The following GRM8 variants were observed in gnomAD, a reference collection of about 807,000 sequenced individuals.
GRM8 encodes metabotropic glutamate receptor 8.
GRM8 carries 47 observed loss-of-function variants against 87.2 expected under a neutral mutation model. The observed-to-expected ratio is 0.54, with a 90% CI of 0.43 to 0.69. The LOEUF (loss-of-function observed/expected upper bound fraction) is 0.69. GRM8 is among the 30% of genes least tolerant of loss of function. GRM8 has a pLI of 0.00. For missense variants in GRM8, 1,019 were observed against 1,139.2 expected (o/e 0.89, Z 1.52); for synonymous variants, 396 against 404.5 (o/e 0.98, Z 0.25).
intron 2 of GRM8, among the ~76,000 whole-genome samples, chr7:127,146,121 T>C (rs1828540575): frequency 1.3e-5 from 2 of 152,044 alleles, no homozygotes; most frequent in Admixed American, 6.6e-5. Context: ...TCTGTGTATT[T>C]AGTAAGTCAG....
chr7:126,660,654 G>A lies in GRM8; in HGVS notation c.1358-51156C>T, dbSNP rs914952786. ...CTACTACAATATTAAAATCAGTATG[G>A]CTGAATAATATTTTAATTACTTTTA... On this transcript the variant is annotated intron_variant, in intron 7 of 10. Coordinates refer to ENST00000339582, the MANE Select transcript of GRM8 (RefSeq NM_000845.3). 2.6e-5 allele frequency among the ~76,000 whole-genome samples: 4 copies of A among 152,188 alleles called. No individual in the cohort carries two copies. The South Asian group carries it at 6.2e-4, about 24-fold the overall frequency.
intron 7 of GRM8, among the ~76,000 whole-genome samples, chr7:126,690,718 A>G (rs73226940): frequency 6.6e-6 from 1 of 152,304 alleles, no homozygotes; most frequent in Non-Finnish European, 1.5e-5. Flanking sequence ...AGACAAGTGA[A>G]GGGTGAGCAA....
chr7:126,889,693 T>G (rs1800817912), intron 6 of GRM8, among the ~76,000 whole-genome samples: 1 of 152,116 alleles, frequency 6.6e-6, no homozygotes, highest in African/African-American at 2.4e-5. Context: ...AAATCACATT[T>G]TATATTCACT....
chr7:127,247,061 AG>A (rs1798617694), intron 1 of GRM8, among the ~76,000 whole-genome samples: 1 of 152,250 alleles, frequency 6.6e-6, no homozygotes, highest in Admixed American at 6.5e-5. Flanking sequence ...GCAATCTTTC[AG>A]AAAGGTGCAC....
At chr7:127,092,136 CA>C (rs1824200495) in intron 3 of GRM8, among the ~76,000 whole-genome samples, 1 of 151,060 alleles carries the variant, frequency 6.6e-6, no homozygotes, top group Admixed American at 6.6e-5. Flanking sequence ...ATCCCTTTTA[CA>C]ATTTTAATTA....
intron 6 of GRM8, among the ~76,000 whole-genome samples, chr7:126,858,686 C>G (rs1248272213): frequency 6.6e-6 from 1 of 152,138 alleles, no homozygotes; most frequent in Non-Finnish European, 1.5e-5. Flanking sequence ...CTACTCCCGC[C>G]CTGCAAGAAA....
At chr7:127,086,097 T>A (rs368674987) in intron 3 of GRM8, among the ~76,000 whole-genome samples, 40 of 151,690 alleles carry the variant, frequency 2.6e-4, no homozygotes, top group African/African-American at 7.8e-4. Context: ...GGTTTGTTTT[T>A]GATTGTTTTG....
chr7:126,634,872 G>C (rs1801694608), intron 7 of GRM8, among the ~76,000 whole-genome samples: 1 of 152,136 alleles, frequency 6.6e-6, no homozygotes, highest in Non-Finnish European at 1.5e-5. Flanking sequence ...TACTTTTAAT[G>C]ATGAAATGTT....
intron 7 of GRM8, among the ~76,000 whole-genome samples, chr7:126,691,920 G>A (rs945732230): frequency 6.6e-6 from 1 of 152,174 alleles, no homozygotes; most frequent in Admixed American, 6.5e-5. Flanking sequence ...CCTTTTAAAT[G>A]CAAATGACAC....
intron 7 of GRM8, among the ~76,000 whole-genome samples, chr7:126,735,541 C>T (rs1488416963): frequency 6.6e-6 from 1 of 151,966 alleles, no homozygotes; most frequent in Non-Finnish European, 1.5e-5. Flanking sequence ...ATCTTAAAGG[C>T]AGGGATTACA....
chr7:126,553,524 G>A (rs1003682615), intron 8 of GRM8, among the ~76,000 whole-genome samples: 45 of 152,084 alleles, frequency 3.0e-4, no homozygotes, highest in African/African-American at 1.0e-3. Flanking sequence ...AGGTGAATTC[G>A]TCACATGAAT....
At chr7:126,889,933 C>T (rs987654324) in intron 6 of GRM8, among the ~76,000 whole-genome samples, 1 of 152,014 alleles carries the variant, frequency 6.6e-6, no homozygotes, top group African/African-American at 2.4e-5. Flanking sequence ...GATAGAAAAT[C>T]CGATCCAAAA....
chr7:126,461,712 C>A (rs1197064137), intron 9 of GRM8, among the ~76,000 whole-genome samples: 1 of 151,628 alleles, frequency 6.6e-6, no homozygotes, highest in African/African-American at 2.4e-5. Flanking sequence ...GGCTTGCTCT[C>A]AATCCCAAAT....
chr7:126,688,007 A>T (rs972406953), intron 7 of GRM8, among the ~76,000 whole-genome samples: 8 of 151,960 alleles, frequency 5.3e-5, no homozygotes, highest in African/African-American at 7.3e-5. Context: ...TAGGCTTTTT[A>T]AAAAAATAGC....
chr7:126,941,458 A>AAC (rs1396038551), intron 3 of GRM8, among the ~76,000 whole-genome samples: 1 of 151,054 alleles, frequency 6.6e-6, no homozygotes, highest in African/African-American at 2.4e-5. Flanking sequence ...AAAAAAAAAA[A>AAC]AAATACAAAA....
chr7:127,149,656 C>A lies in GRM8; in HGVS notation c.511-42944G>T, dbSNP rs754401552. ...ATTCCCAACAGCCAAGACAGGGAAA[C>A]AACCTAAGTGTCAGCTAATGGACAG... On this transcript the variant is annotated intron_variant, in intron 2 of 10. Transcript: ENST00000339582. 9.2e-5 allele frequency among the ~76,000 whole-genome samples: 14 copies of A among 152,070 alleles called. 1 individual carries two copies. The highest frequency in any genetic ancestry group is 2.6e-4 in the Admixed American group (4 of 15,262).
chr7:126,832,885 T>C (rs888148014), intron 6 of GRM8, among the ~76,000 whole-genome samples: 1 of 152,232 alleles, frequency 6.6e-6, no homozygotes, highest in African/African-American at 2.4e-5. Flanking sequence ...TTTACTGCCA[T>C]TTGTTAACAT....
chr7:126,904,619 T>G lies in GRM8; in HGVS notation c.792A>C (p.Lys264Asn). The G allele has an allele frequency of 6.2e-7, 1 of 1,613,748 alleles. No homozygotes were observed. Among genetic ancestry groups the G allele is most frequent in the South Asian group, 1.1e-5 (1 of 91,072 alleles). Reference sequence around the variant, plus strand: ...GTGTTTCTAGCAGGCGTTTGATAATTTTTTCAAATTCTCCAGGTCTTGGTT... The same window carrying G: ...GTGTTTCTAGCAGGCGTTTGATAATGTTTTCAAATTCTCCAGGTCTTGGTT... The part of the protein sequence containing the change: ...PREPRPGEFE[K>N]IIKRLLETPN... Residue 264 changes from lysine to asparagine, a missense_variant, in exon 4 of 11, where the codon AAA becomes AAC. Coordinates refer to ENST00000339582, the MANE Select transcript of GRM8 (RefSeq NM_000845.3).
intron 2 of GRM8, among the ~76,000 whole-genome samples, chr7:127,113,172 T>G (rs965631421): frequency 5.9e-5 from 9 of 152,194 alleles, no homozygotes; most frequent in Admixed American, 2.0e-4. Flanking sequence ...GGTTTCCCAC[T>G]GCTTGCACAT....
Sources: allele counts gnomAD v4.1 joint callset (sites outside exome capture counted in the v4.1 genomes callset), GRCh38; gene constraint gnomAD v4.1.1; transcripts MANE v1.5; gene names NCBI Gene and HGNC (gene_info 2026-07-23, HGNC 2026-07-21).